The following TET2 variants were observed in gnomAD, a reference collection of about 807,000 sequenced individuals.
TET2 encodes methylcytosine dioxygenase TET2.
A neutral mutation model predicts 142.9 loss-of-function variants in TET2; 299 were observed. The ratio of observed to expected loss-of-function variants is 2.09; its 90% CI spans 1.90 to 2.30. The LOEUF (loss-of-function observed/expected upper bound fraction) is 2.30, where lower values mean the gene tolerates loss of function less well. TET2 is among the 30% of genes most tolerant of loss of function. TET2 has a pLI of 0.00. For synonymous variants in TET2, 819 were observed against 849.0 expected, an observed-to-expected ratio of 0.96 and a Z score of 0.61; for missense variants, 2,418 against 2,378.0, an observed-to-expected ratio of 1.02 and a Z score of -0.35.
In TET2 at chr4:105,237,058, C is replaced by T. The variant is rs111678678; in HGVS notation, c.3116C>T (p.Ser1039Leu). 761 of 1,614,118 alleles carry T rather than the reference C, an allele frequency of 4.7e-4. 2 individuals are homozygous for T. In the East Asian group the frequency reaches 0.011, roughly 22 times the overall value. ...CATCTGAAGCAGTTTCACGCCAAGT[C>T]GTTATTTGACCATAAGGCTCTTACT... Reference protein sequence around the residue: ...EQHLKQFHAKSLFDHKALTLK... With the variant: ...EQHLKQFHAKLLFDHKALTLK... The change falls in exon 3 of 11, where the codon TCG becomes TTG. Residue 1039 changes from serine to leucine, a missense_variant. Coordinates refer to ENST00000380013, the MANE Select transcript of TET2 (RefSeq NM_001127208.3).
intron 2 of TET2, among the ~76,000 whole-genome samples, chr4:105,201,386 G>A (rs1726455817): frequency 1.3e-5 from 2 of 152,186 alleles, no homozygotes; most frequent in Admixed American, 1.3e-4. Flanking sequence ...TTTAAGGAAA[G>A]TATAACTTTA....
intron 6 of TET2, among the ~76,000 whole-genome samples, chr4:105,251,654 T>C (rs1324946061): frequency 6.6e-6 from 1 of 152,196 alleles, no homozygotes; most frequent in Non-Finnish European, 1.5e-5. Flanking sequence ...TTGAGGACTT[T>C]CGCATCTCTG....
chr4:105,240,436 A>T, intron 3 of TET2: 2 of 1,074,950 alleles, frequency 1.9e-6, no homozygotes, highest in Non-Finnish European at 2.3e-6. Context: ...TGAAGATCTT[A>T]ATTATAGCTA....
At chr4:105,227,308 G>A (rs547726035) in intron 2 of TET2, among the ~76,000 whole-genome samples, 2 of 152,216 alleles carry the variant, frequency 1.3e-5, no homozygotes, top group Non-Finnish European at 2.9e-5. Flanking sequence ...TTCGTAACCA[G>A]TTTAACAACC....
At chr4:105,223,348 A>T (rs1273041060) in intron 2 of TET2, among the ~76,000 whole-genome samples, 1 of 152,120 alleles carries the variant, frequency 6.6e-6, no homozygotes, top group East Asian at 1.9e-4. Context: ...TTAAAATTTT[A>T]GCTTTAATAT....
intron 6 of TET2, among the ~76,000 whole-genome samples, chr4:105,245,245 A>G (rs1414246163): frequency 6.6e-6 from 1 of 152,334 alleles, no homozygotes; most frequent in East Asian, 1.9e-4. Flanking sequence ...GTACCTGACC[A>G]CTTTTACAAA....
intron 2 of TET2, among the ~76,000 whole-genome samples, chr4:105,222,052 T>G (rs1229020499): frequency 6.6e-6 from 1 of 150,924 alleles, no homozygotes; most frequent in African/African-American, 2.4e-5. Flanking sequence ...ACTCATCATT[T>G]TTTATGGCTG....
intron 4 of TET2, chr4:105,242,013 T>C: frequency 4.8e-6 from 6 of 1,241,882 alleles, no homozygotes; most frequent in Admixed American, 4.2e-5. Context: ...AAGACTCTTA[T>C]GAGCGAGATA....
chr4:105,256,647 A>G (rs554774630), intron 6 of TET2, among the ~76,000 whole-genome samples: 4 of 152,238 alleles, frequency 2.6e-5, no homozygotes, highest in African/African-American at 9.6e-5. Context: ...ATCAAATTTG[A>G]GAAGTTTTCG....
rs1304147239 is a variant in TET2, at chr4:105,276,092, G to A, written c.5582G>A (p.Gly1861Glu). ...EQSFLDPDIG[G>E]VAVAPTHGSI... is the part of the protein sequence containing the mutation. ...AGCTTTCTGGATCCTGACATTGGGG[G>A]AGTGGCCGTGGCTCCAACTCATGGG... The change falls in exon 11 of 11, where the codon GGA becomes GAA. Residue 1861 changes from glycine (G) to glutamate (E), a missense_variant. Gly to Glu is a moderately conservative substitution (Grantham distance 98). Transcript: ENST00000380013. The A allele has an allele frequency of 6.4e-7, 1 of 1,551,682 alleles. No homozygotes were observed. Among genetic ancestry groups the A allele is most frequent in the South Asian group, 1.2e-5 (1 of 84,060 alleles).
At chr4:105,180,649 T>C (rs937434370) in intron 1 of TET2, among the ~76,000 whole-genome samples, 1 of 152,132 alleles carries the variant, frequency 6.6e-6, no homozygotes, top group African/African-American at 2.4e-5. Flanking sequence ...ATCATTTTTT[T>C]TTTTTTCTTG....
chr4:105,251,021 C>G (rs781358713), intron 6 of TET2, among the ~76,000 whole-genome samples: 1 of 151,994 alleles, frequency 6.6e-6, no homozygotes. Flanking sequence ...TTTTTTTTAT[C>G]CTATTGCAAA....
intron 2 of TET2, among the ~76,000 whole-genome samples, chr4:105,199,423 TA>T (rs1726306933): frequency 6.6e-6 from 1 of 152,244 alleles, no homozygotes; most frequent in East Asian, 1.9e-4. Flanking sequence ...TGTGATTTTC[TA>T]AATAAATGTT....
At chr4:105,187,013 C>G (rs1725496189) in intron 1 of TET2, among the ~76,000 whole-genome samples, 1 of 152,086 alleles carries the variant, frequency 6.6e-6, no homozygotes. Flanking sequence ...ATGGTTTCTC[C>G]TTGATAGTTT....
At chr4:105,155,296 C>T (rs1723510709) in intron 1 of TET2, among the ~76,000 whole-genome samples, 1 of 152,156 alleles carries the variant, frequency 6.6e-6, no homozygotes, top group African/African-American at 2.4e-5. Flanking sequence ...TTAACTGATA[C>T]TGTGGCATGT....
In TET2 at chr4:105,269,562, A is replaced by G. The variant is rs1329146997; in HGVS notation, c.4045-48A>G. On this transcript the variant is annotated intron_variant, in intron 8 of 10. Transcript: ENST00000380013. The stretch of plus-strand genomic sequence containing the variant: ...TAAATACTAGTGAGTTTTCGGTGTA[A>G]GAGTAAAACTAACTACTTTCGCATT... 6 of 1,540,700 alleles carry G rather than the reference A, an allele frequency of 3.9e-6. No homozygotes were observed. The Admixed American group carries it at 1.2e-4, about 30-fold the overall frequency.
intron 1 of TET2, among the ~76,000 whole-genome samples, chr4:105,173,805 A>T (rs1053216060): frequency 2.1e-4 from 32 of 152,208 alleles, no homozygotes; most frequent in Non-Finnish European, 2.9e-5. Context: ...ATTCCTGTTA[A>T]CAAAGTGACA....
rs1327529544 is a variant in TET2, at chr4:105,276,176, C to T, written c.5666C>T (p.Pro1889Leu). ...ELHATTPLKNPNRNHPTRISL... is the reference protein window; with the variant it reads ...ELHATTPLKNLNRNHPTRISL... ...CATGCCACAACCCCTTTAAAGAATC[C>T]CAATAGGAATCACCCCACCAGGATC... The change falls in exon 11 of 11, where the codon CCC (proline) becomes CTC (leucine). Residue 1889 changes from proline (P) to leucine (L), a missense_variant. By Grantham distance (98) the Pro-to-Leu change is moderately conservative (BLOSUM62 -3). Coordinates refer to ENST00000380013, the MANE Select transcript of TET2 (RefSeq NM_001127208.3). 1 of 1,551,522 alleles carries T rather than the reference C, an allele frequency of 6.4e-7. No homozygotes were observed. The highest frequency in any genetic ancestry group is 8.7e-7 in the Non-Finnish European group (1 of 1,146,948).
chr4:105,150,734 C>G (rs1321626316), intron 1 of TET2, among the ~76,000 whole-genome samples: 1 of 152,086 alleles, frequency 6.6e-6, no homozygotes, highest in Non-Finnish European at 1.5e-5. Context: ...GTCTAGATCT[C>G]CAATTTCTAT....
Sources: gnomAD v4.1 joint callset for allele counts (sites outside exome capture counted in the v4.1 genomes callset) on GRCh38, gnomAD v4.1.1 for gene constraint, MANE v1.5 for transcripts, NCBI Gene and HGNC (gene_info 2026-07-23, HGNC 2026-07-21) for gene names.